Variants in MROH2A observed in about 807,000 individuals in gnomAD.
MROH2A encodes the protein maestro heat-like repeat-containing protein family member 2A.
MROH2A carries 174 observed loss-of-function variants against 200.4 expected under a neutral mutation model. The observed-to-expected ratio is 0.87, with a 90% CI of 0.77 to 0.98. MROH2A has a LOEUF of 0.98. MROH2A is among the 50% of genes least tolerant of loss of function. The pLI is 0.00. For synonymous variants in MROH2A, 829 were observed against 840.4 expected (o/e 0.99, Z 0.23); for missense variants, 2,045 against 2,139.6 (o/e 0.96, Z 0.87).
intron 5 of MROH2A, among the ~76,000 whole-genome samples, chr2:233,791,932 T>C (rs10170160): frequency 0.41 from 62,841 of 151,722 alleles, 13,453 homozygotes; most frequent in African/African-American, 0.53. Flanking sequence ...AAGATGGGGG[T>C]GCACTCAGGG....
At chr2:233,813,855 C>T (rs1703338103) in intron 25 of MROH2A, 77 bp downstream of exon 25, 3 of 776,836 alleles carry the variant, frequency 3.9e-6, no homozygotes, top group Admixed American at 2.2e-5. Flanking sequence ...GCTGAGAGTC[C>T]ACCTTCCTGA....
At chr2:233,800,144 C>A in intron 13 of MROH2A, 61 bp from the exon 14 acceptor site, 2 of 1,295,466 alleles carry the variant, frequency 1.5e-6, no homozygotes, top group Non-Finnish European at 2.1e-6. Flanking sequence ...GAGACCACAC[C>A]TGAGACCACG....
chr2:233,810,672 G>C lies in MROH2A; in HGVS notation c.2449-122G>C, dbSNP rs965516721. 4 of 1,279,654 alleles carry C rather than the reference G, an allele frequency of 3.1e-6. No homozygotes were observed. In the African/African-American group the frequency reaches 6.0e-5, roughly 19 times the overall value. 79.3% of individuals were successfully genotyped at this position (1,279,654 alleles called of 1,614,324 possible). On this transcript the variant is annotated intron_variant, in intron 22 of 41. Coordinates refer to ENST00000389758, the MANE Select transcript of MROH2A (RefSeq NM_001394639.1). ...ACAGAGTGAGGCTGGCCATCTCTCA[G>C]AGCATTCAACATTAAACGCTTTCTT... is the stretch of plus-strand genomic sequence containing the variant.
chr2:233,814,954 C>T (rs963737205), intron 26 of MROH2A, among the ~76,000 whole-genome samples: 1 of 152,212 alleles, frequency 6.6e-6, no homozygotes, highest in African/African-American at 2.4e-5. Flanking sequence ...CGGATAGCTG[C>T]AGACATCCAG....
rs2124877173 is a variant in MROH2A at position 233,822,535 on chromosome 2, CGGA to C, written c.3850_3852del (p.Glu1284del). On this transcript the variant is annotated inframe_deletion, in exon 33 of 42. Coordinates refer to ENST00000389758, the MANE Select transcript of MROH2A (RefSeq NM_001394639.1). ...AAGCTGGTCCACACCACTCCTCTGC[CGGA>C]GGAGATGAACCTGCAAAGGTGCTCT... 1 of 1,550,062 alleles carries C rather than the reference CGGA, an allele frequency of 6.5e-7. No homozygotes were observed. Among genetic ancestry groups the C allele is most frequent in the Non-Finnish European group, 8.7e-7 (1 of 1,147,024 alleles).
rs1559447670 is a variant in MROH2A, at chr2:233,794,476, G to A, written c.936G>A (p.Gln312=). 5.2e-6 allele frequency: 8 copies of A among 1,549,198 alleles called. No individual in the cohort carries two copies. In the East Asian group the frequency reaches 1.7e-4, roughly 33 times the overall value. ...TCCCCCTGCTGCTGGCGGAGTACCA[G>A]GGCAGTCTGGAGGTGCTCTTCGTCA... ...DYIPLLLAEY[Q]GSLEVLFVTQ... is the part of the protein sequence containing the mutation. Residue 312 remains glutamine (Q), a synonymous_variant, in exon 8 of 42, where the codon CAG becomes CAA. Transcript: ENST00000389758.
chr2:233,832,498 C>A, intron 40 of MROH2A, 81 bp from the exon 41 acceptor site: 2 of 1,174,838 alleles, frequency 1.7e-6, no homozygotes, highest in Non-Finnish European at 2.5e-6. Context: ...GCTCTCATAA[C>A]GTAAAGTAAG....
At chr2:233,776,309 T>C (rs1469517185), upstream of MROH2A, among the ~76,000 whole-genome samples, 3 of 152,076 alleles carry the variant, frequency 2.0e-5, no homozygotes, top group East Asian at 5.8e-4. Context: ...TGTGAGTGGA[T>C]TGTGAGTTCA....
At chr2:233,803,535 C>A in intron 16 of MROH2A, 47 bp downstream of exon 16, 3 of 1,542,590 alleles carry the variant, frequency 1.9e-6, no homozygotes, top group African/African-American at 1.4e-5. Context: ...AGGCCATGCC[C>A]TGTGGCACCT....
At chr2:233,783,588 C>T (rs1166087671) in intron 3 of MROH2A, among the ~76,000 whole-genome samples, 1 of 152,042 alleles carries the variant, frequency 6.6e-6, no homozygotes, top group Non-Finnish European at 1.5e-5. Context: ...CACTGTTGCC[C>T]AGGCTGGAGT....
In MROH2A at chr2:233,820,273, G is replaced by A. The variant is rs1482450322; in HGVS notation, c.3512+217G>A. Among the ~76,000 whole-genome samples the A allele has an allele frequency of 6.6e-6, 1 of 151,950 alleles. No homozygotes were observed. On this transcript the variant is annotated intron_variant, in intron 31 of 41. Transcript: ENST00000389758. This position sits in a 1 kb window ranked among gnomAD's most constrained non-coding sequence, Gnocchi z 4.1. Reference sequence around the variant, plus strand: ...TTGTAGAACTTCGCCACATGGAGCTGGAATCTGGACCCGTAGCTCCCCACA... The same window carrying A: ...TTGTAGAACTTCGCCACATGGAGCTAGAATCTGGACCCGTAGCTCCCCACA...
At chr2:233,791,274 G>T (rs1267286850) in intron 5 of MROH2A, among the ~76,000 whole-genome samples, 2 of 152,156 alleles carry the variant, frequency 1.3e-5, no homozygotes, top group South Asian at 4.1e-4. Context: ...GTACTAGGAG[G>T]TGGGTACTTG....
chr2:233,807,810 G>A lies in MROH2A; in HGVS notation c.2250G>A (p.Glu750=). Residue 750 remains glutamate (E), a synonymous_variant, in exon 21 of 42, where the codon GAG becomes GAA. Coordinates refer to ENST00000389758, the MANE Select transcript of MROH2A (RefSeq NM_001394639.1). The surrounding 1 kb of genome is among the most constrained non-coding windows in gnomAD (Gnocchi z 4.3). ...TVLNVLHDFE[E]RIQESEQSWQ... ...TGAATGTGCTTCATGACTTCGAGGA[G>A]AGGATCCAGGAGTCAGAGCAGTCCT... 2 of 1,550,978 alleles carry A rather than the reference G, an allele frequency of 1.3e-6. No individual in the cohort carries two copies. Among genetic ancestry groups the A allele is most frequent in the Non-Finnish European group, 1.7e-6 (2 of 1,147,068 alleles).
At position 233,794,485 on chromosome 2, in the gene MROH2A, G is replaced by A. The variant is rs1575930949; in HGVS notation, c.945G>A (p.Leu315=). ...TGCTGGCGGAGTACCAGGGCAGTCT[G>A]GAGGTGCTCTTCGTCACGCAGGCGA... The part of the protein sequence containing the change: ...PLLLAEYQGS[L]EVLFVTQVLR... Residue 315 remains leucine (L), a synonymous_variant, in exon 8 of 42, where the codon CTG becomes CTA. Transcript: ENST00000389758. 2 of 1,545,294 alleles carry A rather than the reference G, an allele frequency of 1.3e-6. No homozygotes were observed. The highest frequency in any genetic ancestry group is 4.9e-5 in the East Asian group (2 of 40,886).
intron 3 of MROH2A, among the ~76,000 whole-genome samples, chr2:233,781,608 C>T (rs986458938): frequency 6.6e-6 from 1 of 152,014 alleles, no homozygotes; most frequent in African/African-American, 2.4e-5. Context: ...GTTGTTTGAG[C>T]TCCTTGTGTA....
chr2:233,776,660 G>A (rs1700715875), upstream of MROH2A, among the ~76,000 whole-genome samples: 1 of 152,018 alleles, frequency 6.6e-6, no homozygotes, highest in South Asian at 2.1e-4. Flanking sequence ...ACATGCTCAG[G>A]GGCCTCTTAC....
In MROH2A at chr2:233,822,217, C is replaced by T. The variant is rs1409316157; in HGVS notation, c.3606C>T (p.Leu1202=). The T allele has an allele frequency of 7.7e-6, 12 of 1,548,492 alleles. No homozygotes were observed. The highest frequency in any genetic ancestry group is 1.7e-4 in the Middle Eastern group (1 of 5,992). ...HSLMGRLQSR[L]SPRISATSKA... ...TGATGGGCCGGCTGCAGTCACGGCT[C>T]AGCCCCAGAATCAGTGCCACCTCCA... is the stretch of plus-strand genomic sequence containing the variant. Residue 1202 remains leucine, a synonymous_variant, in exon 32 of 42, where the codon CTC becomes CTT. Transcript: ENST00000389758.
At chr2:233,810,972 CTGCGG>C in intron 23 of MROH2A, 56 bp downstream of exon 23, 1 of 1,536,806 alleles carries the variant, frequency 6.5e-7, no homozygotes, top group Non-Finnish European at 8.8e-7. Flanking sequence ...GTCTAACTCC[CTGCGG>C]TGAGAGGTTT....
intron 3 of MROH2A, among the ~76,000 whole-genome samples, chr2:233,781,938 T>C (rs1175385062): frequency 6.6e-6 from 1 of 152,218 alleles, no homozygotes; most frequent in Non-Finnish European, 1.5e-5. Context: ...TTCTTCTGCA[T>C]ATGGTTATCC....
Sources: allele counts gnomAD v4.1 joint callset (sites outside exome capture counted in the v4.1 genomes callset), GRCh38; gene constraint gnomAD v4.1.1; non-coding constraint Gnocchi (gnomAD v3.1); transcripts MANE v1.5; gene names NCBI Gene and HGNC (gene_info 2026-07-23, HGNC 2026-07-21).